The following MTTP variants were observed in gnomAD, a reference collection of about 807,000 sequenced individuals.
The protein encoded by MTTP is microsomal triglyceride transfer protein large subunit.
In MTTP, 49 loss-of-function variants were observed where a neutral mutation model predicts 90.6. The ratio of observed to expected loss-of-function variants is 0.54; its 90% CI spans 0.43 to 0.69. The LOEUF is 0.69. Among genes scored for constraint, MTTP ranks in the 30% least tolerant of loss-of-function variants. MTTP has a pLI of 0.00. For synonymous variants in MTTP, 347 were observed against 384.2 expected (o/e 0.90, Z 1.13); for missense variants, 945 against 1,067.5 (o/e 0.89, Z 1.60).
chr4:99,619,279 A>G (rs1726174798), intron 16 of MTTP, among the ~76,000 whole-genome samples, 181 bp downstream of exon 16: 1 of 152,200 alleles, frequency 6.6e-6, no homozygotes, highest in Non-Finnish European at 1.5e-5. Context: ...GCTTCTTATG[A>G]GCAGGTCAGT....
chr4:99,598,588 G>T (rs1239062342), intron 8 of MTTP, among the ~76,000 whole-genome samples: 1 of 144,264 alleles, frequency 6.9e-6, no homozygotes, highest in Non-Finnish European at 1.5e-5. Flanking sequence ...ATACTAAGAT[G>T]AACTAAAATT....
exon 1 of MTTP, chr4:99,564,210 G>A (rs1724598731): frequency 1.3e-6 from 2 of 1,535,492 alleles, no homozygotes; most frequent in African/African-American, 2.7e-5. Flanking sequence ...GTGTGTACCT[G>A]CAGACGTGTA....
At chr4:99,571,126 A>G (rs920999350), upstream of MTTP, among the ~76,000 whole-genome samples, 2 of 151,926 alleles carry the variant, frequency 1.3e-5, no homozygotes, top group Non-Finnish European at 2.9e-5. Context: ...TATCCTCTAT[A>G]TCTCTTGACC....
intron 6 of MTTP, among the ~76,000 whole-genome samples, 195 bp from the exon 7 acceptor site, chr4:99,594,538 C>T (rs750476561): frequency 6.6e-6 from 1 of 152,092 alleles, no homozygotes; most frequent in Admixed American, 6.5e-5. Context: ...ATTTTCAAAT[C>T]TTTTAATATA....
chr4:99,572,354 C>T (rs1724859035), upstream of MTTP, among the ~76,000 whole-genome samples: 2 of 151,926 alleles, frequency 1.3e-5, no homozygotes, highest in African/African-American at 2.4e-5. Context: ...AGTTTTCATA[C>T]AAAATTGTGA....
In MTTP at chr4:99,574,975, G is replaced by T. The variant is rs1724921664; in HGVS notation, c.61+5G>T. The T allele has an allele frequency of 6.2e-7, 1 of 1,613,918 alleles. No homozygotes were observed. The highest frequency in any genetic ancestry group is 8.5e-7 in the Non-Finnish European group (1 of 1,180,000). On this transcript the variant is annotated splice_donor_5th_base_variant and intron_variant, in intron 1 of 17. Transcript: ENST00000265517. ...CATATTCAGCTTCTGTTAAAGGTAA[G>T]TTTGTGTTGCCTTTTGCTAAACTTT...
chr4:99,581,747 T>C (rs1401039125), intron 1 of MTTP, among the ~76,000 whole-genome samples, 158 bp from the exon 2 acceptor site: 1 of 152,218 alleles, frequency 6.6e-6, no homozygotes, highest in African/African-American at 2.4e-5. Context: ...TCTATGTTTT[T>C]CAAGTCAATG....
intron 6 of MTTP, among the ~76,000 whole-genome samples, chr4:99,594,184 A>G (rs1560618608): frequency 6.6e-6 from 1 of 152,200 alleles, no homozygotes; most frequent in Non-Finnish European, 1.5e-5. Context: ...CTCTTTTAAG[A>G]CATAGCCTTA....
chr4:99,622,916 C>T lies in MTTP; in HGVS notation c.*68C>T, dbSNP rs980033664. The stretch of plus-strand genomic sequence containing the variant: ...GGACACAATGTGGCATGACTAAGTA[C>T]TTGCTCTCTGAGAGCACAGCGTTTA... On this transcript the variant is annotated 3_prime_UTR_variant, in exon 18 of 18. Coordinates refer to ENST00000265517, the MANE Select transcript of MTTP (RefSeq NM_001386140.1). 1.1e-5 allele frequency: 16 copies of T among 1,518,708 alleles called. No individual in the cohort carries two copies. In the African/African-American group the frequency reaches 2.1e-4, roughly 20 times the overall value. 94.1% of individuals were successfully genotyped at this position (1,518,708 alleles called of 1,614,324 possible).
At chr4:99,583,351 C>T (rs1038460780) in intron 2 of MTTP, 23 bp from the exon 3 acceptor site, 9 of 1,610,810 alleles carry the variant, frequency 5.6e-6, no homozygotes, top group Admixed American at 1.7e-5. Flanking sequence ...TTTTTTTTAA[C>T]AGCTTTCTTT....
At chr4:99,572,876 A>G (rs902205343), upstream of MTTP, among the ~76,000 whole-genome samples, 1 of 152,102 alleles carries the variant, frequency 6.6e-6, no homozygotes, top group Admixed American at 6.5e-5. Flanking sequence ...TAAAAAGAAA[A>G]AAGTTATGTT....
chr4:99,574,622 T>C (rs990395421), upstream of MTTP: 1 of 560,598 alleles, frequency 1.8e-6, no homozygotes, highest in Non-Finnish European at 3.1e-6. Context: ...ACTGGTTTGG[T>C]TTAGCTCTCA....
upstream of MTTP, among the ~76,000 whole-genome samples, chr4:99,571,534 T>C (rs1249747164): frequency 6.6e-6 from 1 of 151,926 alleles, no homozygotes; most frequent in Non-Finnish European, 1.5e-5. Flanking sequence ...CAAATTTGTA[T>C]GTGCGTATAT....
At position 99,623,808 on chromosome 4, in the gene MTTP, T is replaced by C. The variant is rs1726305104; in HGVS notation, c.*960T>C. Reference sequence around the variant, plus strand: ...AAATAAGGAAAAAAATGTTTTTATTTGTATGAATTAAAAGATCCATGTTGA... The same window carrying C: ...AAATAAGGAAAAAAATGTTTTTATTCGTATGAATTAAAAGATCCATGTTGA... On this transcript the variant is annotated 3_prime_UTR_variant, in exon 18 of 18. Transcript: ENST00000265517. 1 of 152,198 alleles carries C rather than the reference T, an allele frequency of 6.6e-6. No homozygotes were observed. Among genetic ancestry groups the C allele is most frequent in the Admixed American group, 6.5e-5 (1 of 15,276 alleles). 9.4% of individuals were successfully genotyped at this position (152,198 alleles called of 1,614,324 possible).
At chr4:99,618,717 T>G (rs1321053695) in intron 15 of MTTP, among the ~76,000 whole-genome samples, 1 of 152,146 alleles carries the variant, frequency 6.6e-6, no homozygotes, top group East Asian at 1.9e-4. Flanking sequence ...TAGCAATGAT[T>G]GAAGGAAAAC....
rs1261440772 is a variant in MTTP at position 99,576,600 on chromosome 4, CA to C, written c.61+1631del. Among the ~76,000 whole-genome samples the C allele has an allele frequency of 2.1e-5, 3 of 140,568 alleles. No homozygotes were observed. In the Admixed American group the frequency reaches 2.3e-4, roughly 11 times the overall value. The allele number at this position is 140,568 out of a possible 152,430, so 92.2% of individuals were successfully genotyped here. A position where few individuals can be genotyped will look rare whatever the true frequency, so the allele number is the denominator to read the frequency against. On this transcript the variant is annotated intron_variant, in intron 1 of 17. Coordinates refer to ENST00000265517, the MANE Select transcript of MTTP (RefSeq NM_001386140.1). ...GTCCCAGCTACTTGGGAGGCTGCGGCAGGAGAATGGCGTGAACCCGGGAGGC... is the reference window on the plus strand; with the variant it reads ...GTCCCAGCTACTTGGGAGGCTGCGGCGGAGAATGGCGTGAACCCGGGAGGC...
intron 15 of MTTP, among the ~76,000 whole-genome samples, chr4:99,613,745 T>C (rs1267575555): frequency 1.3e-5 from 2 of 152,200 alleles, no homozygotes; most frequent in African/African-American, 2.4e-5. Flanking sequence ...TGGTTTTCAA[T>C]TTTTTGTGGC....
intron 3 of MTTP, among the ~76,000 whole-genome samples, chr4:99,585,193 C>T (rs1191952136): frequency 1.3e-5 from 2 of 152,126 alleles, no homozygotes; most frequent in Non-Finnish European, 2.9e-5. Context: ...CTAAAATGAA[C>T]TAAGCACTTA....
intron 15 of MTTP, among the ~76,000 whole-genome samples, chr4:99,614,629 AC>A (rs1726055266): frequency 6.6e-6 from 1 of 152,182 alleles, no homozygotes. Context: ...AGCCATTCTT[AC>A]TTGTGACTTT....
Sources: gnomAD v4.1 joint callset for allele counts (sites outside exome capture counted in the v4.1 genomes callset) on GRCh38, gnomAD v4.1.1 for gene constraint, MANE v1.5 for transcripts, NCBI Gene and HGNC (gene_info 2026-07-23, HGNC 2026-07-21) for gene names.